C5: variants seen among roughly 807,000 people sequenced by gnomAD.
The protein encoded by C5 is complement C5, also known as C3 and PZP-like alpha-2-macroglobulin domain-containing protein 4.
Under a neutral mutation model 218.8 loss-of-function variants are expected in C5, and 140 were observed. The ratio of observed to expected loss-of-function variants is 0.64; its 90% CI spans 0.56 to 0.74. C5 has a LOEUF of 0.74. C5 is among the 30% of genes least tolerant of loss of function. The probability of loss-of-function intolerance (pLI) is 0.00; values close to 1 mark genes in which losing one functional copy is unlikely to be tolerated. For missense variants in C5, 1,700 were observed against 1,969.6 expected, an observed-to-expected ratio of 0.86 and a Z score of 2.59; for synonymous variants, 614 against 682.3, an observed-to-expected ratio of 0.90 and a Z score of 1.56.
chr9:121,071,726 G>T, the C5 span, among the ~76,000 whole-genome samples: 1 of 152,148 alleles, frequency 6.6e-6, no homozygotes, highest in Non-Finnish European at 1.5e-5. Context: ...GTCACAGAAA[G>T]AAATGGCAAT....
chr9:121,000,343 A>C (rs2047150970), intron 20 of C5, among the ~76,000 whole-genome samples: 4 of 152,258 alleles, frequency 2.6e-5, no homozygotes, highest in Admixed American at 2.0e-4. Flanking sequence ...GTGTAAGAAT[A>C]ACAACATCAA....
chr9:120,974,832 C>T lies in C5; in HGVS notation c.3964G>A (p.Ala1322Thr), dbSNP rs770237147. 1.9e-6 allele frequency: 3 copies of T among 1,613,998 alleles called. No individual in the cohort carries two copies. The highest frequency in any genetic ancestry group is 1.1e-5 in the South Asian group (1 of 91,080). Residue 1322 changes from alanine to threonine, a missense_variant, in exon 30 of 41, where the codon GCC becomes ACC. Ala to Thr is a moderately conservative substitution (Grantham distance 58). Transcript: ENST00000223642. ...TCTGTCATTTTATAATTATGTAAGG[C>T]ACCTTTATGCTTGTAAGAAACATCG... The part of the protein sequence containing the change: ...DIDVSYKHKG[A>T]LHNYKMTDKN...
chr9:121,054,072 T>A (rs527488430), upstream of C5, among the ~76,000 whole-genome samples: 6 of 152,000 alleles, frequency 3.9e-5, no homozygotes, highest in South Asian at 1.2e-3. Context: ...CCCAGAAACA[T>A]CTTAAAAATT....
Position 120,953,745 on chromosome 9 carries a change from T to C in C5, c.4886A>G (p.Tyr1629Cys). The change falls in exon 40 of 41, where the codon TAC (tyrosine) becomes TGC (cysteine). Residue 1629 changes from tyrosine (Y) to cysteine (C), a missense_variant. Transcript: ENST00000223642. ...IMGKEALQIK[Y>C]NFSFRYIYPL... is the part of the protein sequence containing the mutation. ...GGTGACTTACCTGAAACTGAAATTGTATTTTATCTGGAGGGCTTCTTTACC... is the reference window on the plus strand; with the variant it reads ...GGTGACTTACCTGAAACTGAAATTGCATTTTATCTGGAGGGCTTCTTTACC... The C allele has an allele frequency of 6.2e-7, 1 of 1,614,162 alleles. No homozygotes were observed.
chr9:121,013,628 A>G (rs1191776238), intron 17 of C5, among the ~76,000 whole-genome samples: 1 of 152,178 alleles, frequency 6.6e-6, no homozygotes, highest in Non-Finnish European at 1.5e-5. Context: ...TAATCATTCA[A>G]GTTTATGGGA....
chr9:120,983,376 C>T (rs896826135), intron 25 of C5, among the ~76,000 whole-genome samples: 2 of 152,128 alleles, frequency 1.3e-5, no homozygotes, highest in African/African-American at 4.8e-5. Flanking sequence ...TAATACCCAT[C>T]GAAGAGTATC....
rs755178292 is a variant in C5 at position 120,991,274 on chromosome 9, A to G, written c.2858T>C (p.Ile953Thr). The change falls in exon 23 of 41, where the codon ATT (isoleucine) becomes ACT (threonine). Residue 953 changes from isoleucine (I) to threonine (T), a missense_variant. Transcript: ENST00000223642. ...GTATGGGAACTCCTTTCGTCTGCTAATGGTACCTGTAATTTAGAAAATTTG... is the reference window on the plus strand; with the variant it reads ...GTATGGGAACTCCTTTCGTCTGCTAGTGGTACCTGTAATTTAGAAAATTTG... ...TLDPRGIYGTISRRKEFPYRI... is the reference protein window; with the variant it reads ...TLDPRGIYGTTSRRKEFPYRI... 6 of 1,596,714 alleles carry G rather than the reference A, an allele frequency of 3.8e-6. No homozygotes were observed. Among genetic ancestry groups the G allele is most frequent in the East Asian group, 2.2e-5 (1 of 44,762 alleles).
chr9:121,052,332 C>CT (rs1460140823), upstream of C5, among the ~76,000 whole-genome samples: 1 of 151,674 alleles, frequency 6.6e-6, no homozygotes, highest in East Asian at 1.9e-4. Context: ...TGGCGGGTGC[C>CT]TGTAATCCCA....
chr9:120,983,304 T>C (rs1005093009), intron 25 of C5, among the ~76,000 whole-genome samples: 1 of 152,188 alleles, frequency 6.6e-6, no homozygotes, highest in Non-Finnish European at 1.5e-5. Context: ...CAGAACTTAC[T>C]ACCCCACAGG....
At chr9:121,035,932 C>T (rs1341780041) in intron 4 of C5, among the ~76,000 whole-genome samples, 1 of 151,802 alleles carries the variant, frequency 6.6e-6, no homozygotes, top group African/African-American at 2.4e-5. Flanking sequence ...TGCCTGTAGT[C>T]CTAGCTACTC....
At chr9:120,965,247 G>A (rs912913841) in intron 33 of C5, among the ~76,000 whole-genome samples, 7 of 152,062 alleles carry the variant, frequency 4.6e-5, no homozygotes, top group African/African-American at 1.7e-4. Context: ...GTCCCAGCTG[G>A]GTGCGGTGGC....
chr9:121,017,937 G>A lies in C5; in HGVS notation c.1507-85C>T. The A allele has an allele frequency of 4.7e-6, 4 of 848,144 alleles. No homozygotes were observed. In the South Asian group the frequency reaches 5.6e-5, roughly 12 times the overall value. The allele number at this position is 848,144 out of a possible 1,614,324, so 52.5% of individuals were successfully genotyped here. ...GTGCTTTAGGATGCAGCCTGGAGCT[G>A]GAGCAGAAATTATGTTAAAGAAAAA... On this transcript the variant is annotated intron_variant, in intron 12 of 40. Transcript: ENST00000223642.
At chr9:120,987,683 A>G in intron 25 of C5, among the ~76,000 whole-genome samples, 1 of 119,972 alleles carries the variant, frequency 8.3e-6, no homozygotes, top group Non-Finnish European at 2.1e-5. Context: ...TCTAAAATTA[A>G]AGTATTCTAG....
chr9:121,001,692 G>A (rs896170606), intron 20 of C5, among the ~76,000 whole-genome samples: 4 of 151,970 alleles, frequency 2.6e-5, no homozygotes, highest in African/African-American at 9.7e-5. Flanking sequence ...ATGAATAAAA[G>A]AAAAAATGTT....
intron 31 of C5, among the ~76,000 whole-genome samples, chr9:120,971,598 C>T (rs962408230): frequency 1.3e-5 from 2 of 152,010 alleles, no homozygotes; most frequent in African/African-American, 2.4e-5. Context: ...CCACCATGCC[C>T]GGCTAATTTT....
intron 23 of C5, 119 bp from the exon 24 acceptor site, chr9:120,989,899 C>G (rs944643851): frequency 1.3e-5 from 10 of 770,212 alleles, no homozygotes; most frequent in Non-Finnish European, 2.0e-5. Flanking sequence ...AGGCAGTTGA[C>G]TTGCTTCTCA....
intron 5 of C5, among the ~76,000 whole-genome samples, chr9:121,034,170 T>C (rs938140289): frequency 1.4e-4 from 21 of 152,320 alleles, no homozygotes; most frequent in African/African-American, 5.1e-4. Flanking sequence ...TCCACCGACA[T>C]TGGCCTCCCA....
chr9:121,033,217 G>T (rs2047493314), intron 5 of C5, among the ~76,000 whole-genome samples: 1 of 152,108 alleles, frequency 6.6e-6, no homozygotes, highest in South Asian at 2.1e-4. Flanking sequence ...ATGTTGAACT[G>T]CTGGTGTGCA....
At chr9:121,072,766 A>C in the C5 span, among the ~76,000 whole-genome samples, 2 of 150,134 alleles carry the variant, frequency 1.3e-5, no homozygotes, top group African/African-American at 4.9e-5. Context: ...AGATCCTGCC[A>C]CTGCACTCCA....
Sources: allele counts gnomAD v4.1 joint callset (sites outside exome capture counted in the v4.1 genomes callset), GRCh38; gene constraint gnomAD v4.1.1; transcripts MANE v1.5; gene names NCBI Gene and HGNC (gene_info 2026-07-23, HGNC 2026-07-21).